PCDHGB7: variants seen among roughly 807,000 people sequenced by gnomAD.
PCDHGB7 encodes protocadherin gamma subfamily B, 7.
In PCDHGB7, 37 loss-of-function variants were observed where a neutral mutation model predicts 61.4. The ratio of observed to expected loss-of-function variants is 0.60; its 90% CI spans 0.46 to 0.79. The LOEUF (loss-of-function observed/expected upper bound fraction) is 0.79. Ranked by LOEUF, PCDHGB7 falls within the 30% of genes least tolerant of loss-of-function variation. The pLI, the probability that PCDHGB7 is intolerant of heterozygous loss-of-function variation, is 0.00. For synonymous variants in PCDHGB7, 464 were observed against 503.5 expected, an observed-to-expected ratio of 0.92 and a Z score of 1.05; for missense variants, 1,166 against 1,202.5, an observed-to-expected ratio of 0.97 and a Z score of 0.45.
In PCDHGB7 at chr5:141,511,028, T is replaced by G. The variant is rs1279056657; in HGVS notation, c.2645T>G (p.Leu882Arg). The G allele has an allele frequency of 3.7e-6, 6 of 1,614,084 alleles. No individual in the cohort carries two copies. The highest frequency in any genetic ancestry group is 1.7e-5 in the Admixed American group (1 of 60,004). ...LSARYGPQFT[L>R]QHVPDYRQNV... is the part of the protein sequence containing the mutation. The stretch of plus-strand genomic sequence containing the variant: ...GCCCGCTACGGACCCCAGTTCACCC[T>G]GCAGCACGTGCCCGACTACCGCCAG... Residue 882 changes from leucine to arginine, a missense_variant, in exon 4 of 4, where the codon CTG becomes CGG. Physicochemically the swap from Leu to Arg is moderately radical, Grantham distance 102. Transcript: ENST00000398594.
In PCDHGB7 at chr5:141,419,928, T is replaced by G; in HGVS notation, c.2069T>G (p.Phe690Cys). 6.2e-7 allele frequency: 1 copy of G among 1,614,084 alleles called. No individual in the cohort carries two copies. Among genetic ancestry groups the G allele is most frequent in the South Asian group, 1.1e-5 (1 of 91,088 alleles). ...TCTGACTCCCAGGCTGAGATGCAGT[T>G]TTACCTGGTGGTGGCCTTGGCCTTG... is the stretch of plus-strand genomic sequence containing the variant. ...TPSDSQAEMQ[F>C]YLVVALALIS... The change falls in exon 1 of 4, where the codon TTT (phenylalanine) becomes TGT (cysteine). Residue 690 changes from phenylalanine to cysteine, a missense_variant. Physicochemically the swap from Phe to Cys is radical, Grantham distance 205. Transcript: ENST00000398594.
At chr5:141,509,574 G>A (rs554778751) in intron 3 of PCDHGB7, among the ~76,000 whole-genome samples, 7 of 152,182 alleles carry the variant, frequency 4.6e-5, no homozygotes, top group Non-Finnish European at 5.9e-5. Flanking sequence ...TTCACAGTGC[G>A]TACAAATCAG....
At chr5:141,433,398 T>TCTAC (rs1487149690) in intron 1 of PCDHGB7, among the ~76,000 whole-genome samples, 2 of 151,396 alleles carry the variant, frequency 1.3e-5, no homozygotes, top group Non-Finnish European at 2.9e-5. Context: ...TATCTATCTA[T>TCTAC]CTATCTATTA....
chr5:141,438,347 C>T (rs150878327), intron 1 of PCDHGB7, among the ~76,000 whole-genome samples: 7 of 151,730 alleles, frequency 4.6e-5, no homozygotes, highest in Non-Finnish European at 2.9e-5. Flanking sequence ...TAAGGATCTA[C>T]TCTGTGTATT....
Position 141,431,278 on chromosome 5 carries a change from C to A in PCDHGB7, c.2415+11004C>A, listed in dbSNP as rs755533628. On this transcript the variant is annotated intron_variant, in intron 1 of 3. Transcript: ENST00000398594. The surrounding 1 kb of genome is among the most constrained non-coding windows in gnomAD (Gnocchi z 4.8). ...ACTCTCTGCAGAGCTACGAGCTCAG[C>A]CCGAACACTCACTTCTCCCTCATCG... 6.2e-7 allele frequency: 1 copy of A among 1,614,170 alleles called. No individual in the cohort carries two copies. The highest frequency in any genetic ancestry group is 8.5e-7 in the Non-Finnish European group (1 of 1,180,038).
chr5:141,466,947 A>C (rs2099132734), intron 1 of PCDHGB7, among the ~76,000 whole-genome samples: 1 of 152,126 alleles, frequency 6.6e-6, no homozygotes, highest in South Asian at 2.1e-4. Context: ...TGTCCAGTAA[A>C]CAGACTGCAA....
At chr5:141,444,637 G>C (rs2098443357) in intron 1 of PCDHGB7, among the ~76,000 whole-genome samples, 1 of 152,236 alleles carries the variant, frequency 6.6e-6, no homozygotes, top group Non-Finnish European at 1.5e-5. Context: ...CCAGTTCATT[G>C]AGGTAGGGGT....
At chr5:141,459,737 A>T (rs2098974670) in intron 1 of PCDHGB7, among the ~76,000 whole-genome samples, 1 of 152,176 alleles carries the variant, frequency 6.6e-6, no homozygotes, top group African/African-American at 2.4e-5. Flanking sequence ...CAATTTTTTA[A>T]ATTTTAGCAA....
chr5:141,436,120 TC>T (rs2154556955), intron 1 of PCDHGB7, among the ~76,000 whole-genome samples: 1 of 152,344 alleles, frequency 6.6e-6, no homozygotes, highest in South Asian at 2.1e-4. Context: ...GAAACCTCTC[TC>T]CTCCATCATC....
In PCDHGB7 at chr5:141,485,037, C is replaced by T. The variant is rs2099605532; in HGVS notation, c.2416-9770C>T. 1.0e-5 allele frequency: 7 copies of T among 702,746 alleles called. No individual in the cohort carries two copies. Among genetic ancestry groups the T allele is most frequent in the Non-Finnish European group, 1.5e-5 (6 of 402,836 alleles). 43.5% of individuals were successfully genotyped at this position (702,746 alleles called of 1,614,324 possible). A position where few individuals can be genotyped will look rare whatever the true frequency, so the allele number is the denominator to read the frequency against. ...GCCACCAGCAAAAACGGCGCGTAAC[C>T]CTTGCGGCGCCGGCCGAACCGCGCC... is the stretch of plus-strand genomic sequence containing the variant. On this transcript the variant is annotated intron_variant, in intron 1 of 3. Transcript: ENST00000398594. The surrounding 1 kb of genome is among the most constrained non-coding windows in gnomAD (Gnocchi z 5.7).
rs1006751011 is a variant in PCDHGB7, at chr5:141,431,033, C to T, written c.2415+10759C>T. ...CTTGGTCACGGCGGGCAGGATAGAC[C>T]GGGAGGAGCTCTGTATGGGGGCCAT... On this transcript the variant is annotated intron_variant, in intron 1 of 3. Coordinates refer to ENST00000398594, the MANE Select transcript of PCDHGB7 (RefSeq NM_018927.4). This position sits in a 1 kb window ranked among gnomAD's most constrained non-coding sequence, Gnocchi z 4.8. 1.2e-6 allele frequency: 2 copies of T among 1,613,864 alleles called. No homozygotes were observed. The highest frequency in any genetic ancestry group is 1.3e-5 in the African/African-American group (1 of 74,924).
chr5:141,487,429 C>A lies in PCDHGB7; in HGVS notation c.2416-7378C>A. 1 of 1,614,162 alleles carries A rather than the reference C, an allele frequency of 6.2e-7. No individual in the cohort carries two copies. Among genetic ancestry groups the A allele is most frequent in the Non-Finnish European group, 8.5e-7 (1 of 1,180,018 alleles). On this transcript the variant is annotated intron_variant, in intron 1 of 3. Transcript: ENST00000398594. The surrounding 1 kb of genome is among the most constrained non-coding windows in gnomAD (Gnocchi z 5.0). ...CCCCTTCCAATGGGATCCTCCGAAT[C>A]CAGCTAGGGTCAGATGACCCTATCA...
chr5:141,455,577 C>T (rs1000865176), intron 1 of PCDHGB7, among the ~76,000 whole-genome samples: 3 of 152,120 alleles, frequency 2.0e-5, no homozygotes, highest in East Asian at 1.9e-4. Context: ...CCCACCCCAG[C>T]CTTTTAATAT....
chr5:141,432,797 T>C lies in PCDHGB7; in HGVS notation c.2415+12523T>C, dbSNP rs1591218426. On this transcript the variant is annotated intron_variant, in intron 1 of 3. Coordinates refer to ENST00000398594, the MANE Select transcript of PCDHGB7 (RefSeq NM_018927.4). The surrounding 1 kb of genome is among the most constrained non-coding windows in gnomAD (Gnocchi z 6.0). The stretch of plus-strand genomic sequence containing the variant: ...CCTGGCGGACCTCGGCAGCCTCGAG[T>C]CTCCAGCTAACTCTGAAACCTCAGA... 2.5e-6 allele frequency: 4 copies of C among 1,613,752 alleles called. No individual in the cohort carries two copies. The highest frequency in any genetic ancestry group is 2.7e-5 in the African/African-American group (2 of 74,816).
rs756915110 is a variant in PCDHGB7, at chr5:141,490,431, T to C, written c.2416-4376T>C. 6 of 1,614,036 alleles carry C rather than the reference T, an allele frequency of 3.7e-6. No individual in the cohort carries two copies. In the South Asian group the frequency reaches 6.6e-5, roughly 18 times the overall value. ...TCTCTCCGGACCTGCCATTTCAGATTAAGCCTTCTGAGAACCACTACTCGC... is the reference window on the plus strand; with the variant it reads ...TCTCTCCGGACCTGCCATTTCAGATCAAGCCTTCTGAGAACCACTACTCGC... On this transcript the variant is annotated intron_variant, in intron 1 of 3. Transcript: ENST00000398594. The surrounding 1 kb of genome is among the most constrained non-coding windows in gnomAD (Gnocchi z 5.4).
At chr5:141,501,987 G>A (rs1462571527) in intron 2 of PCDHGB7, among the ~76,000 whole-genome samples, 2 of 152,016 alleles carry the variant, frequency 1.3e-5, no homozygotes, top group Non-Finnish European at 2.9e-5. Flanking sequence ...TGGTCCCGTT[G>A]TCTCCCTGAC....
At chr5:141,475,315 A>G (rs766425496) in intron 1 of PCDHGB7, among the ~76,000 whole-genome samples, 2 of 152,182 alleles carry the variant, frequency 1.3e-5, no homozygotes, top group Non-Finnish European at 2.9e-5. Flanking sequence ...CCTGGTTCTT[A>G]AGAAATGAGA....
rs2099605485 is a variant in PCDHGB7 at position 141,485,030 on chromosome 5, G to A, written c.2416-9777G>A. 1 of 674,340 alleles carries A rather than the reference G, an allele frequency of 1.5e-6. No individual in the cohort carries two copies. Among genetic ancestry groups the A allele is most frequent in the East Asian group, 2.6e-5 (1 of 38,292 alleles). The allele number at this position is 674,340 out of a possible 1,614,324, so 41.8% of individuals were successfully genotyped here. A position where few individuals can be genotyped will look rare whatever the true frequency, so the allele number is the denominator to read the frequency against. ...CTACCCCGCCACCAGCAAAAACGGC[G>A]CGTAACCCTTGCGGCGCCGGCCGAA... On this transcript the variant is annotated intron_variant, in intron 1 of 3. Transcript: ENST00000398594. The surrounding 1 kb of genome is among the most constrained non-coding windows in gnomAD (Gnocchi z 5.7).
chr5:141,502,491 T>G lies in PCDHGB7; in HGVS notation c.2475-2902T>G, dbSNP rs557202239. Among the ~76,000 whole-genome samples, 1,415 of 152,344 alleles carry G rather than the reference T, an allele frequency of 9.3e-3. 29 individuals carry two copies. The highest frequency in any genetic ancestry group is 0.033 in the African/African-American group (1,352 of 41,578). ...TCCCGCAGCATCACACTGGGACTCA[T>G]CTAACGTCGGCCTGTCCCACTATCA... is the stretch of plus-strand genomic sequence containing the variant. On this transcript the variant is annotated intron_variant, in intron 2 of 3. Transcript: ENST00000398594.
Sources: allele counts gnomAD v4.1 joint callset (sites outside exome capture counted in the v4.1 genomes callset), GRCh38; gene constraint gnomAD v4.1.1; non-coding constraint Gnocchi (gnomAD v3.1); transcripts MANE v1.5; gene names NCBI Gene and HGNC (gene_info 2026-07-23, HGNC 2026-07-21).